GRID2: variants seen among roughly 807,000 people sequenced by gnomAD.
GRID2 encodes glutamate receptor ionotropic, delta-2.
GRID2 carries 33 observed loss-of-function variants against 114.8 expected under a neutral mutation model. That is an observed-to-expected ratio of 0.29 (90% CI 0.22 to 0.38). The LOEUF is 0.38. Among genes scored for constraint, GRID2 ranks in the 10% least tolerant of loss-of-function variants. GRID2 has a pLI of 1.00. For synonymous variants in GRID2, 505 were observed against 449.9 expected (o/e 1.12, Z -1.55); for missense variants, 1,184 against 1,257.7 (o/e 0.94, Z 0.89).
At chr4:92,520,558 T>G (rs890313650) in intron 1 of GRID2, among the ~76,000 whole-genome samples, 1 of 151,974 alleles carries the variant, frequency 6.6e-6, no homozygotes, top group African/African-American at 2.4e-5. Context: ...CCTGCCTGGA[T>G]GAGGTTGCTC....
chr4:92,919,779 G>T (rs1352686431), intron 2 of GRID2, among the ~76,000 whole-genome samples: 1 of 152,150 alleles, frequency 6.6e-6, no homozygotes, highest in East Asian at 1.9e-4. Context: ...CAAGTATGTG[G>T]TCAATTTTGG....
At chr4:92,909,352 T>A (rs1748200252) in intron 2 of GRID2, among the ~76,000 whole-genome samples, 1 of 152,072 alleles carries the variant, frequency 6.6e-6, no homozygotes, top group Non-Finnish European at 1.5e-5. Flanking sequence ...AAGAGCACTT[T>A]TTCACATATT....
intron 2 of GRID2, among the ~76,000 whole-genome samples, chr4:93,040,724 T>G (rs1725432890): frequency 6.6e-6 from 1 of 152,160 alleles, no homozygotes; most frequent in Non-Finnish European, 1.5e-5. Flanking sequence ...TGCCCAATAC[T>G]TTTGAAATAA....
intron 1 of GRID2, among the ~76,000 whole-genome samples, chr4:92,499,092 G>T (rs1347034877): frequency 6.6e-6 from 1 of 151,806 alleles, no homozygotes. Context: ...ATAGTTTGAG[G>T]AAATAAGATA....
intron 2 of GRID2, among the ~76,000 whole-genome samples, chr4:92,734,864 G>A (rs1736516875): frequency 1.4e-5 from 2 of 143,468 alleles, no homozygotes; most frequent in Admixed American, 7.3e-5. Flanking sequence ...GTGCAGCCTT[G>A]TCCTCCCAAG....
chr4:93,388,961 T>G (rs954897212), intron 8 of GRID2, among the ~76,000 whole-genome samples: 19 of 152,094 alleles, frequency 1.2e-4, no homozygotes, highest in Admixed American at 1.1e-3. Flanking sequence ...GCAGAGACAG[T>G]GAAGTGATAG....
chr4:93,360,340 C>T (rs1183061178), intron 8 of GRID2, among the ~76,000 whole-genome samples: 1 of 151,868 alleles, frequency 6.6e-6, no homozygotes, highest in Non-Finnish European at 1.5e-5. Context: ...TTTCCAGCTT[C>T]TTGAATGGAA....
intron 2 of GRID2, among the ~76,000 whole-genome samples, chr4:92,931,557 CGTAA>C (rs1267112774): frequency 6.7e-6 from 1 of 150,334 alleles, no homozygotes; most frequent in African/African-American, 2.4e-5. Flanking sequence ...TTGCAGATTA[CGTAA>C]GTGTGTTTTT....
intron 8 of GRID2, among the ~76,000 whole-genome samples, chr4:93,259,416 T>C (rs6532393): frequency 0.71 from 108,237 of 151,578 alleles, 39,526 homozygotes; most frequent in African/African-American, 0.86. Flanking sequence ...TTCAAAATAG[T>C]CTCGACTGTG....
intron 1 of GRID2, among the ~76,000 whole-genome samples, chr4:92,319,008 T>A (rs1726163287): frequency 6.6e-6 from 1 of 152,184 alleles, no homozygotes; most frequent in African/African-American, 2.4e-5. Context: ...GAGAGGTGGT[T>A]TGGCATATTT....
chr4:92,449,286 A>T (rs1720763714), intron 1 of GRID2, among the ~76,000 whole-genome samples: 1 of 152,026 alleles, frequency 6.6e-6, no homozygotes, highest in Admixed American at 6.6e-5. Context: ...GATTTCCATA[A>T]CTTACAGTGC....
At chr4:92,933,572 G>A (rs573094860) in intron 2 of GRID2, among the ~76,000 whole-genome samples, 1 of 151,450 alleles carries the variant, frequency 6.6e-6, no homozygotes, top group Non-Finnish European at 1.5e-5. Flanking sequence ...CATGCCAGGA[G>A]ACTGGAACAT....
At chr4:92,737,994 T>A (rs1736683963) in intron 2 of GRID2, among the ~76,000 whole-genome samples, 1 of 152,270 alleles carries the variant, frequency 6.6e-6, no homozygotes, top group South Asian at 2.1e-4. Context: ...TCATTTTTAC[T>A]CTGATGACAT....
intron 1 of GRID2, among the ~76,000 whole-genome samples, chr4:92,359,505 G>A (rs1728508301): frequency 6.6e-6 from 1 of 151,866 alleles, no homozygotes; most frequent in Non-Finnish European, 1.5e-5. Context: ...GAAAAGCCCA[G>A]CACAATGCAC....
Position 93,765,216 on chromosome 4 carries a change from C to G in GRID2, c.2361-3994C>G, listed in dbSNP as rs112657042. On this transcript the variant is annotated intron_variant, in intron 14 of 15. Coordinates refer to ENST00000282020, the MANE Select transcript of GRID2 (RefSeq NM_001510.4). ...CATTCTGATGGAATTTCCAGGAACA[C>G]TAGATTTTGTAGCAAAATGTTATGA... Among the ~76,000 whole-genome samples the G allele has an allele frequency of 3.6e-3, 543 of 152,216 alleles. 2 individuals are homozygous for G. Among genetic ancestry groups the G allele is most frequent in the African/African-American group, 0.013 (522 of 41,544 alleles).
chr4:93,386,799 G>A (rs924388384), intron 8 of GRID2, among the ~76,000 whole-genome samples: 6 of 152,106 alleles, frequency 3.9e-5, no homozygotes, highest in Non-Finnish European at 7.4e-5. Context: ...ATGGAGAAAA[G>A]TGTCCTCCAG....
At chr4:92,465,544 G>A (rs752114359) in intron 1 of GRID2, among the ~76,000 whole-genome samples, 2 of 152,056 alleles carry the variant, frequency 1.3e-5, no homozygotes, top group African/African-American at 2.4e-5. Context: ...TAGTAGAATT[G>A]TAGATGATGT....
At chr4:92,970,881 A>G (rs1216686862) in intron 2 of GRID2, among the ~76,000 whole-genome samples, 1 of 151,942 alleles carries the variant, frequency 6.6e-6, no homozygotes, top group African/African-American at 2.4e-5. Flanking sequence ...GCTTTACTAC[A>G]TGTTGCTTAT....
intron 1 of GRID2, among the ~76,000 whole-genome samples, chr4:92,369,045 T>C (rs1728998831): frequency 6.6e-6 from 1 of 152,022 alleles, no homozygotes; most frequent in South Asian, 2.1e-4. Context: ...AAATCTGATA[T>C]AATCGCCCTA....
Sources: gnomAD v4.1 joint callset for allele counts (sites outside exome capture counted in the v4.1 genomes callset) on GRCh38, gnomAD v4.1.1 for gene constraint, MANE v1.5 for transcripts, NCBI Gene and HGNC (gene_info 2026-07-23, HGNC 2026-07-21) for gene names.